The following AGAP3 variants were observed in gnomAD, a reference collection of about 807,000 sequenced individuals.
AGAP3 encodes the protein ArfGAP with GTPase domain, ankyrin repeat and PH domain 3.
Under a neutral mutation model 96.9 loss-of-function variants are expected in AGAP3, and 24 were observed. That is an observed-to-expected ratio of 0.25 (90% CI 0.18 to 0.35). The LOEUF (loss-of-function observed/expected upper bound fraction) is 0.35, where lower values mean the gene tolerates loss of function less well. Ranked by LOEUF, AGAP3 falls within the 10% of genes least tolerant of loss-of-function variation. AGAP3 has a pLI of 1.00. For missense variants in AGAP3, 876 were observed against 1,254.2 expected, an observed-to-expected ratio of 0.70 and a Z score of 4.55; for synonymous variants, 563 against 536.1, an observed-to-expected ratio of 1.05 and a Z score of -0.69.
intron 11 of AGAP3, among the ~76,000 whole-genome samples, chr7:151,135,310 C>T (rs1800551486): frequency 6.6e-6 from 1 of 152,218 alleles, no homozygotes; most frequent in Non-Finnish European, 1.5e-5. Context: ...TTCCCTGGGC[C>T]CAGTAACAGC....
intron 1 of AGAP3, among the ~76,000 whole-genome samples, chr7:151,102,112 G>T (rs1246021487): frequency 6.6e-6 from 1 of 152,184 alleles, no homozygotes; most frequent in Admixed American, 6.5e-5. Flanking sequence ...GACGGGCCTG[G>T]CACCAAGGGA....
At chr7:151,110,575 C>T (rs1342616810) in intron 1 of AGAP3, among the ~76,000 whole-genome samples, 1 of 152,088 alleles carries the variant, frequency 6.6e-6, no homozygotes, top group Non-Finnish European at 1.5e-5. Flanking sequence ...CAGGGCTTTG[C>T]TGAGAGGTGA....
chr7:151,116,497 G>A, intron 1 of AGAP3: 1 of 485,466 alleles, frequency 2.1e-6, no homozygotes, highest in Non-Finnish European at 3.7e-6. Flanking sequence ...CTTGGTGGGG[G>A]GACAATAAAC....
Position 151,143,147 on chromosome 7 carries a change from C to T in AGAP3, c.2274-194C>T, listed in dbSNP as rs1330858561. Among the ~76,000 whole-genome samples the T allele has an allele frequency of 1.3e-5, 2 of 152,232 alleles. No homozygotes were observed. The highest frequency in any genetic ancestry group is 2.9e-5 in the Non-Finnish European group (2 of 68,032). On this transcript the variant is annotated intron_variant, in intron 16 of 17. Coordinates refer to ENST00000397238, the MANE Select transcript of AGAP3 (RefSeq NM_031946.7). The surrounding 1 kb of genome is among the most constrained non-coding windows in gnomAD (Gnocchi z 5.9). ...CTTTCAGCTTCTCCCACCCCCCTTT[C>T]CATTACCCACTGCCCCTCTGTGTGC...
At chr7:151,117,317 TG>T (rs1799641060) in intron 3 of AGAP3, 53 bp from the exon 4 acceptor site, 1 of 1,609,604 alleles carries the variant, frequency 6.2e-7, no homozygotes, top group South Asian at 1.1e-5. Flanking sequence ...GATTTCTTCT[TG>T]GCCCCTGGAT....
Position 151,134,449 on chromosome 7 carries a change from C to T in AGAP3, c.1376C>T (p.Thr459Met), listed in dbSNP as rs1453677635. ...AAGGAGATTGACCTGCTGCGGACAA[C>T]GGTGAAAGTGCCAGGGAAGCGCCTG... ...HGKEIDLLRT[T>M]VKVPGKRLPR... Residue 459 changes from threonine (T) to methionine (M), a missense_variant, in exon 11 of 18, where the codon ACG becomes ATG. Physicochemically the swap from Thr to Met is moderately conservative, Grantham distance 81. This residue lies in a region of AGAP3 where 63 missense variants were observed against 114.5 expected (regional missense o/e 0.55). Transcript: ENST00000397238. 10 of 1,613,402 alleles carry T rather than the reference C, an allele frequency of 6.2e-6. No individual in the cohort carries two copies. Among genetic ancestry groups the T allele is most frequent in the South Asian group, 1.1e-5 (1 of 91,074 alleles).
At chr7:151,124,060 TCTC>T (rs1249931728) in intron 9 of AGAP3, among the ~76,000 whole-genome samples, 174 bp downstream of exon 9, 5 of 152,114 alleles carry the variant, frequency 3.3e-5, no homozygotes, top group African/African-American at 1.2e-4. Context: ...GAAGCCACCT[TCTC>T]TGCGCCGCCA....
At chr7:151,134,378 G>T (rs370075956) in intron 10 of AGAP3, 22 bp from the exon 11 acceptor site, 169 of 1,612,656 alleles carry the variant, frequency 1.0e-4, no homozygotes, top group Non-Finnish European at 1.4e-4. Context: ...GTCTTCATCT[G>T]TCTCTCCCAC....
chr7:151,139,733 T>G lies in AGAP3; in HGVS notation c.1667-246T>G, dbSNP rs1403192115. 4.1e-5 allele frequency: 14 copies of G among 343,680 alleles called. No homozygotes were observed. Among genetic ancestry groups the G allele is most frequent in the Non-Finnish European group, 2.6e-5 (5 of 191,768 alleles). The allele number at this position is 343,680 out of a possible 1,614,324, so 21.3% of individuals were successfully genotyped here. On this transcript the variant is annotated intron_variant, in intron 12 of 17. Coordinates refer to ENST00000397238, the MANE Select transcript of AGAP3 (RefSeq NM_031946.7). This position sits in a 1 kb window ranked among gnomAD's most constrained non-coding sequence, Gnocchi z 4.9. ...CAGGCTGCAGAGGCAGCTTCCTCCC[T>G]TTGCCTCCATCCTGCTCTGCCTAAG...
At chr7:151,095,356 TGGCTGTACCTTA>T (rs1408441342) in intron 1 of AGAP3, among the ~76,000 whole-genome samples, 1 of 152,210 alleles carries the variant, frequency 6.6e-6, no homozygotes, top group Non-Finnish European at 1.5e-5. Context: ...TAGCCCCAGA[TGGCTGTACCTTA>T]GGGCTTTGTG....
intron 1 of AGAP3, among the ~76,000 whole-genome samples, chr7:151,104,006 G>T (rs973572644): frequency 2.0e-5 from 3 of 152,182 alleles, no homozygotes; most frequent in South Asian, 2.1e-4. Context: ...GTGCCGTGGC[G>T]GGGGCGTGAG....
Position 151,096,763 on chromosome 7 carries a change from C to T in AGAP3, c.331+9691C>T, listed in dbSNP as rs575690635. ...CTGGGATTACAGGCATGAGCCACTG[C>T]GCCTGGCCTAAATTTTCTTTTCTTT... On this transcript the variant is annotated intron_variant, in intron 1 of 17. Transcript: ENST00000397238. This position sits in a 1 kb window ranked among gnomAD's most constrained non-coding sequence, Gnocchi z 4.4. Among the ~76,000 whole-genome samples the T allele has an allele frequency of 9.0e-4, 137 of 152,106 alleles. 1 individual carries two copies. Among genetic ancestry groups the T allele is most frequent in the Middle Eastern group, 6.8e-3 (2 of 294 alleles).
Position 151,086,611 on chromosome 7 carries a change from C to T in AGAP3, c.-131C>T, listed in dbSNP as rs990075512. 6.0e-5 allele frequency: 9 copies of T among 149,258 alleles called. No homozygotes were observed. The highest frequency in any genetic ancestry group is 3.6e-4 in the South Asian group (2 of 5,598). 9.2% of individuals were successfully genotyped at this position (149,258 alleles called of 1,614,324 possible). On this transcript the variant is annotated 5_prime_UTR_variant, in exon 1 of 18. Coordinates refer to ENST00000397238, the MANE Select transcript of AGAP3 (RefSeq NM_031946.7). Reference sequence around the variant, plus strand: ...CCCGGCCCCCGGCTCCATGCGCTAGCCCCGCGCCGCCAGCCCAGTAGTCCC... The same window carrying T: ...CCCGGCCCCCGGCTCCATGCGCTAGTCCCGCGCCGCCAGCCCAGTAGTCCC...
chr7:151,122,839 C>T (rs1210308554), intron 8 of AGAP3: 41 of 1,610,444 alleles, frequency 2.5e-5, no homozygotes, highest in Non-Finnish European at 3.2e-5. Flanking sequence ...TGTGCGGGGC[C>T]GGAGGCGGGC....
Position 151,109,895 on chromosome 7 carries a change from C to T in AGAP3, c.332-6898C>T, listed in dbSNP as rs572029841. ...GGAGCAGCTCCTTCTGTTGCTTGCC[C>T]GCTGCACGCCAGGCACCATGCGGCC... is the stretch of plus-strand genomic sequence containing the variant. On this transcript the variant is annotated intron_variant, in intron 1 of 17. Transcript: ENST00000397238. Among the ~76,000 whole-genome samples the T allele has an allele frequency of 3.9e-5, 6 of 152,360 alleles. No homozygotes were observed. In the East Asian group the frequency reaches 7.7e-4, roughly 20 times the overall value.
intron 1 of AGAP3, chr7:151,115,662 G>T (rs1415812750): frequency 4.3e-6 from 5 of 1,152,274 alleles, no homozygotes; most frequent in Non-Finnish European, 5.3e-6. Context: ...GGGCCTGGGG[G>T]GCGTCTGGCA....
chr7:151,109,266 G>A (rs1229693707), intron 1 of AGAP3, among the ~76,000 whole-genome samples: 1 of 152,220 alleles, frequency 6.6e-6, no homozygotes, highest in Admixed American at 6.5e-5. Context: ...GGGAGGCCGA[G>A]GCAGGAGGAT....
intron 1 of AGAP3, chr7:151,115,743 C>CGGGGTCT (rs983354616): frequency 4.1e-5 from 31 of 764,800 alleles, no homozygotes; most frequent in Middle Eastern, 5.8e-4. Flanking sequence ...CCGGGGCTGG[C>CGGGGTCT]GGGGTCTGGG....
chr7:151,125,620 CTCT>C lies in AGAP3; in HGVS notation c.1221+1740_1221+1742del, dbSNP rs545123507. ...TCGCTAGGGGCGGGGCGCGTCCGTT[CTCT>C]TCTTCCAGCCTGGTGGCCATTCCTG... is the stretch of plus-strand genomic sequence containing the variant. On this transcript the variant is annotated intron_variant, in intron 9 of 17. Transcript: ENST00000397238. 9.1e-3 allele frequency among the ~76,000 whole-genome samples: 1,391 copies of C among 152,278 alleles called. 10 individuals are homozygous for C. Among genetic ancestry groups the C allele is most frequent in the South Asian group, 0.027 (131 of 4,832 alleles).
Sources: gnomAD v4.1 joint callset for allele counts (sites outside exome capture counted in the v4.1 genomes callset) on GRCh38, gnomAD v4.1.1 for gene constraint, gnomAD v4.1.1 regional missense constraint, Gnocchi (gnomAD v3.1) non-coding constraint, MANE v1.5 for transcripts, NCBI Gene and HGNC (gene_info 2026-07-23, HGNC 2026-07-21) for gene names.